CDK13: variants seen among roughly 807,000 people sequenced by gnomAD.
CDK13 encodes cyclin dependent kinase 13.
In CDK13, 40 loss-of-function variants were observed where a neutral mutation model predicts 137.6. That is an observed-to-expected ratio of 0.29 (90% CI 0.23 to 0.38). The LOEUF (loss-of-function observed/expected upper bound fraction) is 0.38. Among genes scored for constraint, CDK13 ranks in the 10% least tolerant of loss-of-function variants. CDK13 has a pLI of 1.00. For missense variants in CDK13, 1,704 were observed against 1,951.8 expected (o/e 0.87, Z 2.39); for synonymous variants, 869 against 760.1 (o/e 1.14, Z -2.36).
chr7:39,966,926 G>C (rs562894320), intron 1 of CDK13, among the ~76,000 whole-genome samples: 36 of 152,202 alleles, frequency 2.4e-4, no homozygotes, highest in African/African-American at 8.7e-4. Flanking sequence ...GCAGACCAGC[G>C]GATATTGTTG....
At chr7:39,986,217 A>T (rs746234604) in intron 1 of CDK13, 1 of 152,218 alleles carries the variant, frequency 6.6e-6, no homozygotes, top group Non-Finnish European at 1.5e-5. Context: ...AGGGCATTAA[A>T]TGAGATAATG....
intron 7 of CDK13, among the ~76,000 whole-genome samples, chr7:40,052,472 C>T (rs1785913869): frequency 6.6e-6 from 1 of 152,100 alleles, no homozygotes; most frequent in South Asian, 2.1e-4. Context: ...CCACTGTGCC[C>T]AGCCCTGAAA....
At chr7:40,018,488 C>G (rs1014811550) in intron 5 of CDK13, among the ~76,000 whole-genome samples, 5 of 151,968 alleles carry the variant, frequency 3.3e-5, no homozygotes, top group Admixed American at 6.6e-5. Flanking sequence ...TTCACAATTG[C>G]AAAGATATGG....
chr7:39,979,051 T>C (rs182511234), intron 1 of CDK13, among the ~76,000 whole-genome samples: 237 of 152,144 alleles, frequency 1.6e-3, no homozygotes, highest in African/African-American at 5.6e-3. Context: ...TTGTGAAAGT[T>C]TGGAATAGCT....
rs3735135 is a variant in CDK13 at position 39,987,885 on chromosome 7, A to G, written c.1498A>G (p.Thr500Ala). Residue 500 changes from threonine to alanine, a missense_variant, in exon 2 of 14, where the codon ACG (threonine) becomes GCG (alanine). Physicochemically the swap from Thr to Ala is moderately conservative, Grantham distance 58 (BLOSUM62 0). This residue lies in a region of CDK13 where 1,051 missense variants were observed against 931.0 expected (regional missense o/e 1.13). Coordinates refer to ENST00000181839, the MANE Select transcript of CDK13 (RefSeq NM_003718.5). ...SNTSTPTKGN[T>A]ETSASASQTN... ...CACTTCTACACCTACCAAGGGGAAC[A>G]CGGAAACTAGTGCCAGTGCATCACA... is the stretch of plus-strand genomic sequence containing the variant. The G allele has an allele frequency of 0.092, 148,364 of 1,614,108 alleles. 10,459 individuals are homozygous for G. The highest frequency in any genetic ancestry group is 0.34 in the East Asian group (15,160 of 44,878).
At chr7:40,012,456 C>T (rs988021856) in intron 5 of CDK13, among the ~76,000 whole-genome samples, 9 of 151,910 alleles carry the variant, frequency 5.9e-5, no homozygotes, top group African/African-American at 1.7e-4. Context: ...AAAATTTAAC[C>T]AGGTGAGGTG....
intron 9 of CDK13, among the ~76,000 whole-genome samples, chr7:40,074,041 AC>A (rs749278753): frequency 3.3e-5 from 5 of 151,394 alleles, no homozygotes; most frequent in African/African-American, 4.9e-5. Context: ...AGCTGGGATT[AC>A]AGGTGTGCGC....
intron 5 of CDK13, among the ~76,000 whole-genome samples, chr7:40,021,323 C>A (rs966560920): frequency 1.3e-5 from 2 of 151,700 alleles, no homozygotes; most frequent in African/African-American, 4.8e-5. Context: ...ATGGTGAAAC[C>A]CCATCTCTAC....
intron 1 of CDK13, among the ~76,000 whole-genome samples, chr7:39,968,845 C>T (rs1173968674): frequency 6.6e-6 from 1 of 152,250 alleles, no homozygotes; most frequent in African/African-American, 2.4e-5. Context: ...ATTTAAGACC[C>T]CCAACACAGA....
rs1184951605 is a variant in CDK13, at chr7:39,950,766, C to CGCTCCTGCAGCCGCA, written c.135_149dup (p.Gln47_Pro51dup). On this transcript the variant is annotated inframe_insertion, in exon 1 of 14. Transcript: ENST00000181839. ...CCTCAGCAGCCGCCGCTGCTGTTGC[C>CGCTCCTGCAGCCGCA]GCTCCTGCAGCCGCAGCTCCTGCAA... The CGCTCCTGCAGCCGCA allele has an allele frequency of 2.7e-6, 4 of 1,476,452 alleles. No homozygotes were observed. Among genetic ancestry groups the CGCTCCTGCAGCCGCA allele is most frequent in the South Asian group, 1.3e-5 (1 of 77,552 alleles). The allele number at this position is 1,476,452 out of a possible 1,614,324, so 91.5% of individuals were successfully genotyped here.
chr7:40,079,539 A>T (rs1406969190), intron 11 of CDK13, among the ~76,000 whole-genome samples: 1 of 152,196 alleles, frequency 6.6e-6, no homozygotes, highest in Non-Finnish European at 1.5e-5. Context: ...TTTTTCATTT[A>T]TTACATTAAT....
chr7:40,055,703 T>C (rs1786004615), intron 7 of CDK13, among the ~76,000 whole-genome samples: 1 of 151,532 alleles, frequency 6.6e-6, no homozygotes, highest in Admixed American at 6.6e-5. Context: ...CTCAGCCTTC[T>C]CAGCAGCTGG....
intron 7 of CDK13, among the ~76,000 whole-genome samples, chr7:40,053,500 C>A (rs1221304469): frequency 6.6e-6 from 1 of 152,134 alleles, no homozygotes; most frequent in Non-Finnish European, 1.5e-5. Context: ...ATTTGTAGTT[C>A]CCTAAACTTG....
rs1562755742 is a variant in CDK13, at chr7:40,062,913, T to C, written c.2688T>C (p.Asp896=). Residue 896 remains aspartate, a synonymous_variant, in exon 8 of 14, where the codon GAT becomes GAC. Transcript: ENST00000181839. ...LGEERYTPAI[D]VWSCGCILGE... ...AAGAACGATACACACCAGCCATTGA[T>C]GTATGGAGCTGTGGGTAAGATAGCC... 2.5e-6 allele frequency: 4 copies of C among 1,612,976 alleles called. No individual in the cohort carries two copies. Among genetic ancestry groups the C allele is most frequent in the Admixed American group, 3.3e-5 (2 of 59,986 alleles).
intron 1 of CDK13, among the ~76,000 whole-genome samples, chr7:39,954,942 GATAA>G (rs1171428224): frequency 6.6e-6 from 1 of 152,144 alleles, no homozygotes; most frequent in African/African-American, 2.4e-5. Flanking sequence ...TTTGATGTCA[GATAA>G]ATAAATCCTT....
At chr7:40,042,381 G>A (rs928750504) in intron 5 of CDK13, among the ~76,000 whole-genome samples, 6 of 148,238 alleles carry the variant, frequency 4.0e-5, no homozygotes, top group African/African-American at 1.5e-4. Flanking sequence ...ACACCCAGCC[G>A]TTTTTGTATT....
chr7:40,087,617 C>T (rs917820160), intron 11 of CDK13, among the ~76,000 whole-genome samples: 10 of 143,186 alleles, frequency 7.0e-5, no homozygotes, highest in African/African-American at 2.2e-4. Context: ...GGCGCAATCT[C>T]GGCTCACCGC....
chr7:39,972,926 T>G (rs772712650), intron 1 of CDK13, among the ~76,000 whole-genome samples: 15 of 152,328 alleles, frequency 9.8e-5, no homozygotes, highest in Middle Eastern at 3.4e-3. Context: ...CAGCAACATA[T>G]GAGGGTTCCA....
At position 40,094,182 on chromosome 7, in the gene CDK13, A is replaced by T. The variant is rs766863790; in HGVS notation, c.3741A>T (p.Pro1247=). Residue 1247 remains proline (P), a synonymous_variant, in exon 14 of 14, where the codon CCA becomes CCT. Coordinates refer to ENST00000181839, the MANE Select transcript of CDK13 (RefSeq NM_003718.5). Reference sequence around the variant, plus strand: ...ATATGAGGATCTTGGAGCTAACGCCAGAACCAGACCGGCCTCGAATTCTGC... The same window carrying T: ...ATATGAGGATCTTGGAGCTAACGCCTGAACCAGACCGGCCTCGAATTCTGC... ...HQDMRILELT[P]EPDRPRILPP... is the part of the protein sequence containing the mutation. 6 of 1,614,076 alleles carry T rather than the reference A, an allele frequency of 3.7e-6. No homozygotes were observed. The highest frequency in any genetic ancestry group is 8.5e-7 in the Non-Finnish European group (1 of 1,180,016).
Sources: gnomAD v4.1 joint callset for allele counts (sites outside exome capture counted in the v4.1 genomes callset) on GRCh38, gnomAD v4.1.1 for gene constraint, gnomAD v4.1.1 regional missense constraint, MANE v1.5 for transcripts, NCBI Gene and HGNC (gene_info 2026-07-23, HGNC 2026-07-21) for gene names.